Variants in FOCAD observed in about 807,000 individuals in gnomAD.
FOCAD encodes the protein focadhesin.
A neutral mutation model predicts 225.6 loss-of-function variants in FOCAD; 198 were observed. That is an observed-to-expected ratio of 0.88 (90% CI 0.78 to 0.99). FOCAD has a LOEUF of 0.99. FOCAD is among the 50% of genes least tolerant of loss of function. The probability of loss-of-function intolerance (pLI) is 0.00; values close to 1 mark genes in which losing one functional copy is unlikely to be tolerated. For synonymous variants in FOCAD, 897 were observed against 755.0 expected (o/e 1.19, Z -3.08); for missense variants, 2,713 against 2,123.6 (o/e 1.28, Z -5.46).
At chr9:20,820,606 A>G (rs1824217687) in intron 13 of FOCAD, among the ~76,000 whole-genome samples, 181 bp downstream of exon 13, 1 of 152,150 alleles carries the variant, frequency 6.6e-6, no homozygotes, top group Non-Finnish European at 1.5e-5. Context: ...ACTTTCAGAG[A>G]AATTGAGAAT....
intron 9 of FOCAD, among the ~76,000 whole-genome samples, chr9:20,781,096 A>G (rs1047187659): frequency 2.0e-5 from 3 of 152,258 alleles, no homozygotes; most frequent in African/African-American, 4.8e-5. Flanking sequence ...AAGTATATTT[A>G]TGCCTTAACT....
At chr9:20,666,803 T>G (rs1413943633) in intron 2 of FOCAD, among the ~76,000 whole-genome samples, 1 of 152,202 alleles carries the variant, frequency 6.6e-6, no homozygotes, top group East Asian at 1.9e-4. Context: ...TGATTAAAAT[T>G]GTTTAATGTA....
At chr9:20,774,826 G>A (rs1225515579) in intron 8 of FOCAD, among the ~76,000 whole-genome samples, 8 of 152,148 alleles carry the variant, frequency 5.3e-5, no homozygotes, top group African/African-American at 1.7e-4. Context: ...TTTGCCCAAT[G>A]TTTTAGCAGT....
At chr9:20,960,722 T>C (rs909908916) in intron 35 of FOCAD, among the ~76,000 whole-genome samples, 2 of 151,420 alleles carry the variant, frequency 1.3e-5, no homozygotes, top group African/African-American at 4.9e-5. Context: ...CTCCTAATGC[T>C]TTCCCTCCCC....
chr9:20,767,792 G>C (rs932331799), intron 7 of FOCAD, among the ~76,000 whole-genome samples: 1 of 148,686 alleles, frequency 6.7e-6, no homozygotes, highest in Admixed American at 6.7e-5. Flanking sequence ...TCACTCTGAT[G>C]GTAGTTTCTT....
chr9:20,671,874 T>A (rs1230866217), intron 2 of FOCAD, among the ~76,000 whole-genome samples: 3 of 152,168 alleles, frequency 2.0e-5, no homozygotes, highest in African/African-American at 7.2e-5. Context: ...TCCTGAGAGC[T>A]AATTGTGTAC....
intron 35 of FOCAD, among the ~76,000 whole-genome samples, chr9:20,954,292 T>G (rs2132401912): frequency 6.6e-6 from 1 of 152,298 alleles, no homozygotes; most frequent in African/African-American, 2.4e-5. Flanking sequence ...ATGGCTTCAT[T>G]AGGAGAAAAT....
chr9:20,890,647 T>C (rs1185563950), intron 21 of FOCAD, among the ~76,000 whole-genome samples: 2 of 152,126 alleles, frequency 1.3e-5, no homozygotes, highest in African/African-American at 4.8e-5. Flanking sequence ...GTAGTAATTT[T>C]GCCTGGTTGT....
At chr9:20,668,448 T>G (rs1821959313) in intron 2 of FOCAD, among the ~76,000 whole-genome samples, 3 of 152,256 alleles carry the variant, frequency 2.0e-5, no homozygotes, top group Admixed American at 6.5e-5. Flanking sequence ...ATACTCCTTG[T>G]GGTTAGAAGC....
At chr9:20,717,743 T>G (rs761099438) in intron 2 of FOCAD, 51 bp from the exon 3 acceptor site, 13 of 1,424,574 alleles carry the variant, frequency 9.1e-6, no homozygotes, top group Admixed American at 1.8e-5. Context: ...GTATTGATAT[T>G]TGGAAAGAAC....
chr9:20,671,721 A>G (rs1822069370), intron 2 of FOCAD, among the ~76,000 whole-genome samples: 2 of 152,206 alleles, frequency 1.3e-5, no homozygotes, highest in African/African-American at 2.4e-5. Flanking sequence ...AGGCAAAAAA[A>G]GGGCAAAAAG....
intron 21 of FOCAD, among the ~76,000 whole-genome samples, chr9:20,905,933 A>T (rs1207374734): frequency 6.8e-6 from 1 of 148,076 alleles, no homozygotes; most frequent in South Asian, 2.1e-4. Flanking sequence ...ACTGTTTGAG[A>T]TTTTTTTTTT....
At chr9:20,728,398 T>G (rs1316181694) in intron 4 of FOCAD, among the ~76,000 whole-genome samples, 1 of 152,208 alleles carries the variant, frequency 6.6e-6, no homozygotes, top group Non-Finnish European at 1.5e-5. Flanking sequence ...TAAATAACTT[T>G]GTGCATGAAA....
chr9:20,709,911 C>A (rs966689447), intron 1 of FOCAD, among the ~76,000 whole-genome samples: 1 of 152,158 alleles, frequency 6.6e-6, no homozygotes, highest in African/African-American at 2.4e-5. Context: ...CACTGTTTTT[C>A]CACAGTGGCC....
At chr9:20,973,406 A>T (rs1348231924) in intron 35 of FOCAD, among the ~76,000 whole-genome samples, 216 of 94,072 alleles carry the variant, frequency 2.3e-3, no homozygotes, top group Admixed American at 2.9e-3. Context: ...TTTTCTGCTG[A>T]CTCTTGCTTC....
At chr9:20,955,431 C>T (rs1337976825) in intron 35 of FOCAD, among the ~76,000 whole-genome samples, 1 of 152,026 alleles carries the variant, frequency 6.6e-6, no homozygotes, top group Non-Finnish European at 1.5e-5. Context: ...TCCATTCTTT[C>T]ATGCAGACCC....
intron 21 of FOCAD, among the ~76,000 whole-genome samples, chr9:20,891,117 G>A (rs546940217): frequency 3.9e-5 from 6 of 152,126 alleles, no homozygotes; most frequent in South Asian, 4.1e-4. Context: ...TTGAAGTTAC[G>A]ATTGTAATTG....
chr9:20,720,581 G>A (rs1249895479), intron 4 of FOCAD, 47 bp downstream of exon 4: 4 of 1,581,876 alleles, frequency 2.5e-6, no homozygotes, highest in African/African-American at 1.4e-5. Flanking sequence ...AAGTTTTTAG[G>A]AAAAAAATTC....
At chr9:20,686,996 G>GT (rs778276198) in intron 1 of FOCAD, among the ~76,000 whole-genome samples, 299 of 142,030 alleles carry the variant, frequency 2.1e-3, no homozygotes, top group Admixed American at 2.0e-3. Context: ...TGGCCTCATA[G>GT]TTTTTTTTTT....
Sources: gnomAD v4.1 joint callset for allele counts (sites outside exome capture counted in the v4.1 genomes callset) on GRCh38, gnomAD v4.1.1 for gene constraint, MANE v1.5 for transcripts, NCBI Gene and HGNC (gene_info 2026-07-23, HGNC 2026-07-21) for gene names.